The following DOCK3 variants were observed in gnomAD, a reference collection of about 807,000 sequenced individuals.
DOCK3 encodes dedicator of cytokinesis 3, also known as dedicator of cytokinesis protein 3.
In DOCK3, 60 loss-of-function variants were observed where a neutral mutation model predicts 265.6. That is an observed-to-expected ratio of 0.23 (90% CI 0.18 to 0.28). DOCK3 has a LOEUF of 0.28. Ranked by LOEUF, DOCK3 falls within the 10% of genes least tolerant of loss-of-function variation. The pLI, the probability that DOCK3 is intolerant of heterozygous loss-of-function variation, is 1.00. For synonymous variants in DOCK3, 881 were observed against 938.0 expected (o/e 0.94, Z 1.11); for missense variants, 1,981 against 2,594.3 (o/e 0.76, Z 5.14).
chr3:51,244,604 A>G (rs943587738), intron 21 of DOCK3, among the ~76,000 whole-genome samples: 1 of 152,190 alleles, frequency 6.6e-6, no homozygotes, highest in Non-Finnish European at 1.5e-5. Flanking sequence ...GGTTTTCTAC[A>G]TATAAGATTA....
At chr3:51,067,850 A>G (rs2109307779) in intron 6 of DOCK3, among the ~76,000 whole-genome samples, 1 of 152,326 alleles carries the variant, frequency 6.6e-6, no homozygotes, top group East Asian at 1.9e-4. Flanking sequence ...TTGTAAAAAC[A>G]AAGTCATTTC....
chr3:51,141,282 A>G (rs1278514911), intron 9 of DOCK3, among the ~76,000 whole-genome samples: 4 of 131,590 alleles, frequency 3.0e-5, no homozygotes, highest in Non-Finnish European at 4.7e-5. Flanking sequence ...TTTGAAACTC[A>G]CATAATTTCC....
At chr3:51,238,272 A>T (rs1488768973) in intron 21 of DOCK3, among the ~76,000 whole-genome samples, 3 of 151,298 alleles carry the variant, frequency 2.0e-5, no homozygotes, top group African/African-American at 7.3e-5. Flanking sequence ...CCTCCCGAGT[A>T]GCTGGGACTG....
intron 9 of DOCK3, among the ~76,000 whole-genome samples, chr3:51,107,759 C>T (rs188797722): frequency 1.3e-4 from 20 of 152,312 alleles, no homozygotes; most frequent in Non-Finnish European, 2.2e-4. Flanking sequence ...ACTTGGAAAA[C>T]GTATTTCATT....
At chr3:51,068,773 T>C (rs1316578005) in intron 6 of DOCK3, among the ~76,000 whole-genome samples, 1 of 152,124 alleles carries the variant, frequency 6.6e-6, no homozygotes, top group Admixed American at 6.5e-5. Context: ...AGGCACATTA[T>C]TGCCAGTATT....
intron 2 of DOCK3, among the ~76,000 whole-genome samples, chr3:50,805,696 A>G (rs1299599626): frequency 6.6e-6 from 1 of 151,736 alleles, no homozygotes; most frequent in Admixed American, 6.6e-5. Flanking sequence ...ATACAAGGCT[A>G]CTCATCTGAT....
chr3:50,743,195 A>G (rs1020401085), intron 1 of DOCK3, among the ~76,000 whole-genome samples: 4 of 149,600 alleles, frequency 2.7e-5, no homozygotes, highest in Non-Finnish European at 6.0e-5. Context: ...TGAAGGAAGC[A>G]CTAAACGTGG....
Position 51,381,009 on chromosome 3 carries a change from T to C in DOCK3, c.5584-41T>C. On this transcript the variant is annotated intron_variant, in intron 52 of 52. Coordinates refer to ENST00000266037, the MANE Select transcript of DOCK3 (RefSeq NM_004947.5). The surrounding 1 kb of genome is among the most constrained non-coding windows in gnomAD (Gnocchi z 5.6). ...CCTATGGCGGGCAAGTCAGCCTGTC[T>C]GGAGAGAGGGATTCTAACATGCCCA... is the stretch of plus-strand genomic sequence containing the variant. 1.3e-6 allele frequency: 2 copies of C among 1,543,458 alleles called. No homozygotes were observed. Among genetic ancestry groups the C allele is most frequent in the Non-Finnish European group, 1.7e-6 (2 of 1,144,814 alleles).
chr3:51,040,660 C>A (rs1488505183), intron 5 of DOCK3, among the ~76,000 whole-genome samples: 1 of 152,066 alleles, frequency 6.6e-6, no homozygotes, highest in Non-Finnish European at 1.5e-5. Flanking sequence ...AGTATTTTAC[C>A]CATAAACTTC....
chr3:50,856,624 G>T (rs2046613192), intron 3 of DOCK3, among the ~76,000 whole-genome samples: 1 of 151,932 alleles, frequency 6.6e-6, no homozygotes, highest in Non-Finnish European at 1.5e-5. Context: ...CAAAAATTCT[G>T]TAGGTTGTCT....
chr3:50,807,531 A>G (rs562019298), intron 2 of DOCK3, among the ~76,000 whole-genome samples: 1 of 152,262 alleles, frequency 6.6e-6, no homozygotes, highest in East Asian at 1.9e-4. Flanking sequence ...TGGGAGTACA[A>G]ATATTCAAAC....
intron 23 of DOCK3, among the ~76,000 whole-genome samples, chr3:51,268,678 A>G (rs751739692): frequency 4.6e-5 from 7 of 152,010 alleles, no homozygotes; most frequent in Non-Finnish European, 7.4e-5. Context: ...CCAGTTGCCT[A>G]TAGGTTTCTC....
At chr3:50,760,926 C>T (rs1267758707) in intron 1 of DOCK3, among the ~76,000 whole-genome samples, 3 of 151,942 alleles carry the variant, frequency 2.0e-5, no homozygotes, top group Middle Eastern at 3.2e-3. Context: ...GGACTACAGG[C>T]GCCTGCCACC....
chr3:50,880,099 A>G (rs925989000), intron 3 of DOCK3, among the ~76,000 whole-genome samples: 3 of 152,222 alleles, frequency 2.0e-5, no homozygotes, highest in Non-Finnish European at 4.4e-5. Context: ...CAAAGACACA[A>G]CATACCAGAA....
chr3:51,214,453 A>G (rs1362477769), intron 14 of DOCK3, among the ~76,000 whole-genome samples: 3 of 152,146 alleles, frequency 2.0e-5, no homozygotes, highest in African/African-American at 4.8e-5. Flanking sequence ...AAGCCCCTAC[A>G]TTACATTCAC....
chr3:50,975,889 G>C (rs2077431051), intron 5 of DOCK3, among the ~76,000 whole-genome samples: 1 of 149,952 alleles, frequency 6.7e-6, no homozygotes, highest in Non-Finnish European at 1.5e-5. Context: ...ATGTGTCGAG[G>C]AATTTATCCA....
rs140706782 is a variant in DOCK3, at chr3:51,082,914, A to G, written c.550-6329A>G. 1.2e-3 allele frequency among the ~76,000 whole-genome samples: 179 copies of G among 152,232 alleles called. 1 individual carries two copies. The highest frequency in any genetic ancestry group is 4.1e-3 in the African/African-American group (170 of 41,540). ...AAACTGCCCTAGCTGTTGCCTGTGT[A>G]CTAAGGGACCTGAGAGGTGGCACAC... On this transcript the variant is annotated intron_variant, in intron 7 of 52. Coordinates refer to ENST00000266037, the MANE Select transcript of DOCK3 (RefSeq NM_004947.5).
At chr3:51,278,845 A>G (rs953001176) in intron 26 of DOCK3, among the ~76,000 whole-genome samples, 1 of 152,160 alleles carries the variant, frequency 6.6e-6, no homozygotes, top group Non-Finnish European at 1.5e-5. Context: ...TTAATGCTTT[A>G]TGTACATTAA....
intron 5 of DOCK3, among the ~76,000 whole-genome samples, chr3:50,998,440 T>C (rs1235672086): frequency 6.6e-6 from 1 of 152,202 alleles, no homozygotes; most frequent in African/African-American, 2.4e-5. Flanking sequence ...TGCAGACTCT[T>C]GGAGCTAGCA....
Sources: gnomAD v4.1 joint callset for allele counts (sites outside exome capture counted in the v4.1 genomes callset) on GRCh38, gnomAD v4.1.1 for gene constraint, Gnocchi (gnomAD v3.1) non-coding constraint, MANE v1.5 for transcripts, NCBI Gene and HGNC (gene_info 2026-07-23, HGNC 2026-07-21) for gene names.